SNX29: variants seen among roughly 807,000 people sequenced by gnomAD.
The protein encoded by SNX29 is sorting nexin 29.
Under a neutral mutation model 102.1 loss-of-function variants are expected in SNX29, and 78 were observed. The ratio of observed to expected loss-of-function variants is 0.76; its 90% CI spans 0.64 to 0.92. SNX29 has a LOEUF of 0.92. Among genes scored for constraint, SNX29 ranks in the 40% least tolerant of loss-of-function variants. The pLI is 0.00. For missense variants in SNX29, 1,280 were observed against 1,061.7 expected, an observed-to-expected ratio of 1.21 and a Z score of -2.86; for synonymous variants, 580 against 414.5, an observed-to-expected ratio of 1.40 and a Z score of -4.85.
intron 14 of SNX29, among the ~76,000 whole-genome samples, chr16:12,241,761 C>T (rs1395899516): frequency 6.6e-6 from 1 of 152,212 alleles, no homozygotes; most frequent in Non-Finnish European, 1.5e-5. Context: ...CAGGCCCAGC[C>T]TCCCTGGCCT....
At chr16:12,212,732 G>A (rs2941082) in intron 14 of SNX29, among the ~76,000 whole-genome samples, 70,447 of 151,950 alleles carry the variant, frequency 0.46, 17,408 homozygotes, top group Non-Finnish European at 0.56. Context: ...TAGATTCTGG[G>A]TATTAACCCC....
intron 14 of SNX29, among the ~76,000 whole-genome samples, chr16:12,251,375 T>C (rs138430438): frequency 2.2e-3 from 340 of 152,360 alleles, no homozygotes; most frequent in Non-Finnish European, 4.2e-3. Flanking sequence ...GGATTTTTAA[T>C]GACCTTACCT....
intron 14 of SNX29, among the ~76,000 whole-genome samples, chr16:12,260,649 G>C (rs1254153442): frequency 1.4e-5 from 1 of 73,770 alleles, no homozygotes; most frequent in Non-Finnish European, 3.2e-5. Flanking sequence ...TTCTTAGCCA[G>C]GTCCCCGGCT....
At position 12,572,395 on chromosome 16, in the gene SNX29, C is replaced by G. The variant is rs370678985; in HGVS notation, c.*3766C>G. 168 of 1,063,428 alleles carry G rather than the reference C, an allele frequency of 1.6e-4. 1 individual carries two copies. In the Middle Eastern group the frequency reaches 2.5e-3, roughly 16 times the overall value. 65.9% of individuals were successfully genotyped at this position (1,063,428 alleles called of 1,614,324 possible). ...TGGAGGCGGCTTATATCCCAACAGC[C>G]TGAGGCAGGGCTCTGTGGCCCAGGC... is the stretch of plus-strand genomic sequence containing the variant. On this transcript the variant is annotated 3_prime_UTR_variant, in exon 21 of 21. Transcript: ENST00000566228.
At chr16:12,091,014 CAAAAA>C (rs58933500) in intron 11 of SNX29, among the ~76,000 whole-genome samples, 3,211 of 53,408 alleles carry the variant, frequency 0.06, 236 homozygotes, top group African/African-American at 0.23. Context: ...GACTTCATCT[CAAAAA>C]AAAAAAAAAA....
At chr16:12,425,566 A>G (rs1401549998) in intron 18 of SNX29, among the ~76,000 whole-genome samples, 2 of 151,130 alleles carry the variant, frequency 1.3e-5, no homozygotes. Context: ...AAAAGAGGGA[A>G]TAGAAAACAG....
intron 15 of SNX29, among the ~76,000 whole-genome samples, chr16:12,354,044 T>A (rs1056679272): frequency 6.6e-6 from 1 of 152,248 alleles, no homozygotes; most frequent in African/African-American, 2.4e-5. Context: ...CCTACTTTTA[T>A]TTTTGTGATA....
intron 20 of SNX29, among the ~76,000 whole-genome samples, chr16:12,548,530 G>C (rs1410677435): frequency 6.6e-6 from 1 of 152,212 alleles, no homozygotes; most frequent in African/African-American, 2.4e-5. Flanking sequence ...TGAGGGTGCA[G>C]CCTTCTGGGA....
intron 4 of SNX29, among the ~76,000 whole-genome samples, chr16:12,032,249 G>A (rs924123577): frequency 7.5e-6 from 1 of 133,182 alleles, no homozygotes. Context: ...TGCCCAGTTT[G>A]CTGGAGTACA....
At chr16:12,298,588 ATGTC>A (rs2080057905) in intron 15 of SNX29, among the ~76,000 whole-genome samples, 1 of 152,174 alleles carries the variant, frequency 6.6e-6, no homozygotes, top group Non-Finnish European at 1.5e-5. Flanking sequence ...ATTTAGAAGA[ATGTC>A]TGGCCCTTAA....
intron 14 of SNX29, among the ~76,000 whole-genome samples, chr16:12,253,667 C>T (rs886823378): frequency 1.3e-5 from 2 of 152,132 alleles, no homozygotes; most frequent in Non-Finnish European, 2.9e-5. Context: ...GGCGGAGAAG[C>T]CACAGAGGCT....
Position 12,364,550 on chromosome 16 carries a change from G to A in SNX29, c.1899+8271G>A, listed in dbSNP as rs369975815. On this transcript the variant is annotated intron_variant, in intron 16 of 20. Coordinates refer to ENST00000566228, the MANE Select transcript of SNX29 (RefSeq NM_032167.5). ...ATTACACTCTGGGAGAAGAGCTCCC[G>A]GTTTGAGTAAGAAATGGAGACAGGG... Among the ~76,000 whole-genome samples, 27 of 152,054 alleles carry A rather than the reference G, an allele frequency of 1.8e-4. No homozygotes were observed. In the East Asian group the frequency reaches 2.7e-3, roughly 15 times the overall value.
intron 19 of SNX29, among the ~76,000 whole-genome samples, chr16:12,510,691 C>G (rs985510485): frequency 2.0e-5 from 3 of 151,926 alleles, no homozygotes; most frequent in Admixed American, 6.6e-5. Context: ...GAAAACAAAA[C>G]AAAACAAGCA....
intron 15 of SNX29, among the ~76,000 whole-genome samples, chr16:12,320,192 G>T (rs1272670658): frequency 6.6e-6 from 1 of 152,124 alleles, no homozygotes; most frequent in Non-Finnish European, 1.5e-5. Context: ...CCAGGGGGAG[G>T]TCTCCCTCTG....
chr16:12,391,872 A>G (rs1411585595), intron 16 of SNX29, among the ~76,000 whole-genome samples: 1 of 152,098 alleles, frequency 6.6e-6, no homozygotes, highest in African/African-American at 2.4e-5. Flanking sequence ...TTCGATTTAA[A>G]ATTGCGTGAT....
intron 15 of SNX29, among the ~76,000 whole-genome samples, chr16:12,326,663 A>G (rs952235963): frequency 1.3e-4 from 20 of 152,052 alleles, no homozygotes; most frequent in African/African-American, 4.8e-4. Flanking sequence ...TGGAGTCTGG[A>G]ATCTGGTGAC....
At chr16:12,392,633 A>T (rs550582956) in intron 16 of SNX29, among the ~76,000 whole-genome samples, 2 of 152,336 alleles carry the variant, frequency 1.3e-5, no homozygotes, top group South Asian at 2.1e-4. Context: ...GTGATAGTCT[A>T]TGTTTGTGTG....
chr16:12,461,096 G>T (rs1488785252), intron 18 of SNX29, among the ~76,000 whole-genome samples: 1 of 152,218 alleles, frequency 6.6e-6, no homozygotes, highest in African/African-American at 2.4e-5. Context: ...AGAAATTGAA[G>T]CATGTGTGGA....
chr16:12,231,812 C>G (rs550250185), intron 14 of SNX29, among the ~76,000 whole-genome samples: 1 of 152,172 alleles, frequency 6.6e-6, no homozygotes, highest in Non-Finnish European at 1.5e-5. Context: ...CATTGGAACT[C>G]CAGTAGGCAA....
Sources: allele counts gnomAD v4.1 joint callset (sites outside exome capture counted in the v4.1 genomes callset), GRCh38; gene constraint gnomAD v4.1.1; transcripts MANE v1.5; gene names NCBI Gene and HGNC (gene_info 2026-07-23, HGNC 2026-07-21).